The following TENM4 variants were observed in gnomAD, a reference collection of about 807,000 sequenced individuals.
TENM4 encodes teneurin transmembrane protein 4.
Under a neutral mutation model 243.3 loss-of-function variants are expected in TENM4, and 82 were observed. That is an observed-to-expected ratio of 0.34 (90% CI 0.28 to 0.40). The LOEUF (loss-of-function observed/expected upper bound fraction) is 0.40, where lower values mean the gene tolerates loss of function less well. Ranked by LOEUF, TENM4 falls within the 10% of genes least tolerant of loss-of-function variation. The pLI is 1.00. For synonymous variants in TENM4, 1,412 were observed against 1,456.3 expected (o/e 0.97, Z 0.69); for missense variants, 3,138 against 3,673.3 (o/e 0.85, Z 3.77).
intron 6 of TENM4, among the ~76,000 whole-genome samples, chr11:78,927,439 C>A (rs970249027): frequency 2.6e-5 from 4 of 152,140 alleles, no homozygotes; most frequent in African/African-American, 9.7e-5. Context: ...AACATTAGAA[C>A]ATGGTTGCTA....
At chr11:78,663,815 T>C (rs1858086376) in intron 32 of TENM4, among the ~76,000 whole-genome samples, 2 of 152,332 alleles carry the variant, frequency 1.3e-5, no homozygotes, top group East Asian at 1.9e-4. Context: ...CTGGTGTGAG[T>C]GACTGTGTCC....
intron 3 of TENM4, among the ~76,000 whole-genome samples, chr11:79,214,078 G>T (rs1864001972): frequency 6.6e-6 from 1 of 151,546 alleles, no homozygotes; most frequent in East Asian, 1.9e-4. Flanking sequence ...TGCAACTTCT[G>T]CCTCCAGAGT....
At chr11:78,791,674 T>C (rs527976925) in intron 15 of TENM4, among the ~76,000 whole-genome samples, 5 of 152,220 alleles carry the variant, frequency 3.3e-5, no homozygotes, top group Non-Finnish European at 7.3e-5. Context: ...TAAATCAATT[T>C]AGCATGAACA....
At chr11:79,389,338 TG>T (rs1224954265) in intron 1 of TENM4, among the ~76,000 whole-genome samples, 13 of 152,290 alleles carry the variant, frequency 8.5e-5, no homozygotes, top group African/African-American at 3.1e-4. Context: ...AATTTTTTTT[TG>T]TAGACAAGGG....
Position 78,915,361 on chromosome 11 carries a change from G to A in TENM4, c.494-11838C>T, listed in dbSNP as rs571155810. ...GTCTGTCTCTTCCACCAGACTGTAC[G>A]CTCCAAGGGCAGAGGTTGTATCTTA... On this transcript the variant is annotated intron_variant, in intron 6 of 33. Coordinates refer to ENST00000278550, the MANE Select transcript of TENM4 (RefSeq NM_001098816.3). Among the ~76,000 whole-genome samples, 135 of 152,186 alleles carry A rather than the reference G, an allele frequency of 8.9e-4. 1 individual carries two copies. The highest frequency in any genetic ancestry group is 3.4e-3 in the Middle Eastern group (1 of 294).
At chr11:79,033,616 G>A (rs1174114162) in intron 6 of TENM4, among the ~76,000 whole-genome samples, 1 of 152,200 alleles carries the variant, frequency 6.6e-6, no homozygotes, top group Admixed American at 6.5e-5. Flanking sequence ...TCTCTTTCCA[G>A]TGGGTCAATA....
intron 6 of TENM4, among the ~76,000 whole-genome samples, chr11:79,015,305 A>G (rs1043655601): frequency 6.6e-6 from 1 of 152,132 alleles, no homozygotes; most frequent in African/African-American, 2.4e-5. Context: ...AGCCACTGCA[A>G]TCTCAAACAC....
chr11:78,981,145 A>T (rs1857783853), intron 6 of TENM4, among the ~76,000 whole-genome samples: 1 of 152,148 alleles, frequency 6.6e-6, no homozygotes. Flanking sequence ...TATCTCTATG[A>T]CAGGTGTGTG....
intron 6 of TENM4, among the ~76,000 whole-genome samples, chr11:78,998,811 T>A (rs1485434742): frequency 6.6e-6 from 1 of 152,144 alleles, no homozygotes; most frequent in Non-Finnish European, 1.5e-5. Context: ...GAGGTCATAG[T>A]GGGGCAAGCA....
At chr11:78,955,684 G>A (rs1857196361) in intron 6 of TENM4, among the ~76,000 whole-genome samples, 1 of 152,178 alleles carries the variant, frequency 6.6e-6, no homozygotes, top group African/African-American at 2.4e-5. Context: ...GTTCTCCCAG[G>A]ATGTTCAGTT....
chr11:78,750,078 T>C (rs1785819), intron 19 of TENM4, among the ~76,000 whole-genome samples: 113,307 of 152,102 alleles, frequency 0.74, 44,673 homozygotes, highest in Non-Finnish European at 0.89. Flanking sequence ...CTCCATTCTC[T>C]GATTGTCCTG....
At chr11:78,779,220 C>T (rs1212782708) in intron 16 of TENM4, among the ~76,000 whole-genome samples, 1 of 152,252 alleles carries the variant, frequency 6.6e-6, no homozygotes, top group East Asian at 1.9e-4. Context: ...TCCATGTACA[C>T]ATGTGCCCAC....
intron 15 of TENM4, among the ~76,000 whole-genome samples, chr11:78,799,778 C>T (rs976357159): frequency 5.9e-5 from 9 of 152,222 alleles, no homozygotes; most frequent in Non-Finnish European, 8.8e-5. Context: ...ATCATAAACC[C>T]GCAGCATGAG....
At chr11:79,055,066 G>A (rs1339575482) in intron 6 of TENM4, among the ~76,000 whole-genome samples, 1 of 150,582 alleles carries the variant, frequency 6.6e-6, no homozygotes, top group East Asian at 2.0e-4. Context: ...TGCAGAGGTT[G>A]CAGTGAGCCA....
intron 1 of TENM4, among the ~76,000 whole-genome samples, chr11:79,352,679 C>A (rs1857434305): frequency 1.3e-5 from 2 of 152,144 alleles, no homozygotes; most frequent in African/African-American, 2.4e-5. Flanking sequence ...TCTTTGCCGG[C>A]CAGCTGTGGA....
chr11:79,118,492 C>A (rs1301253907), intron 4 of TENM4, among the ~76,000 whole-genome samples: 2 of 152,154 alleles, frequency 1.3e-5, no homozygotes, highest in African/African-American at 2.4e-5. Flanking sequence ...TCACCATCAT[C>A]CCTGTACAGA....
At chr11:79,325,562 C>T (rs1856959862) in intron 1 of TENM4, among the ~76,000 whole-genome samples, 1 of 152,150 alleles carries the variant, frequency 6.6e-6, no homozygotes, top group Non-Finnish European at 1.5e-5. Context: ...CTGCATCCTC[C>T]CCTGTCAAAT....
At chr11:79,154,860 G>A (rs1355058770) in intron 3 of TENM4, among the ~76,000 whole-genome samples, 3 of 152,264 alleles carry the variant, frequency 2.0e-5, no homozygotes, top group East Asian at 3.9e-4. Context: ...GTTGTCCACC[G>A]GGGTGTCCTC....
chr11:78,676,782 C>T (rs765164040), intron 29 of TENM4, among the ~76,000 whole-genome samples: 1 of 152,132 alleles, frequency 6.6e-6, no homozygotes, highest in African/African-American at 2.4e-5. Context: ...AGTTATTTAA[C>T]CAAGCCTCAA....
Sources: allele counts gnomAD v4.1 joint callset (sites outside exome capture counted in the v4.1 genomes callset), GRCh38; gene constraint gnomAD v4.1.1; transcripts MANE v1.5; gene names NCBI Gene and HGNC (gene_info 2026-07-23, HGNC 2026-07-21).